The following CCDC146 variants were observed in gnomAD, a reference collection of about 807,000 sequenced individuals.
CCDC146 encodes coiled-coil domain containing 146.
A neutral mutation model predicts 119.3 loss-of-function variants in CCDC146; 92 were observed. The ratio of observed to expected loss-of-function variants is 0.77; its 90% confidence interval spans 0.65 to 0.92. CCDC146 has a LOEUF of 0.92. Among genes scored for constraint, CCDC146 ranks in the 40% least tolerant of loss-of-function variants. CCDC146 has a pLI of 0.00. For synonymous variants in CCDC146, 372 were observed against 371.8 expected, an observed-to-expected ratio of 1.00 and a Z score of -0.01; for missense variants, 1,000 against 1,103.0, an observed-to-expected ratio of 0.91 and a Z score of 1.32.
intron 4 of CCDC146, among the ~76,000 whole-genome samples, chr7:77,253,171 T>G (rs1327379473): frequency 6.6e-6 from 1 of 152,196 alleles, no homozygotes; most frequent in Non-Finnish European, 1.5e-5. Flanking sequence ...AAAATAATTG[T>G]CCTCAAATAC....
In CCDC146 at chr7:77,196,206, G is replaced by A. The variant is rs187050930; in HGVS notation, c.156+28382G>A. The A allele has an allele frequency of 3.2e-5, 34 of 1,048,608 alleles. No homozygotes were observed. Among genetic ancestry groups the A allele is most frequent in the Non-Finnish European group, 4.7e-5 (34 of 721,328 alleles). The allele number at this position is 1,048,608 out of a possible 1,614,324, so 65.0% of individuals were successfully genotyped here. On this transcript the variant is annotated intron_variant, in intron 2 of 18. Transcript: ENST00000285871. This position sits in a 1 kb window ranked among gnomAD's most constrained non-coding sequence, Gnocchi z 4.2. ...TTAGCTATGAAAAATATGAAACAAG[G>A]CATATTCTAAAGTGCTGAAGGAATT...
chr7:77,247,292 A>AG (rs1792970710), intron 4 of CCDC146, among the ~76,000 whole-genome samples: 1 of 152,256 alleles, frequency 6.6e-6, no homozygotes, highest in Admixed American at 6.5e-5. Context: ...ATATACTTAA[A>AG]GGAAAGACCA....
At chr7:77,207,833 AATAGC>A (rs1197534811) in intron 2 of CCDC146, among the ~76,000 whole-genome samples, 1 of 152,236 alleles carries the variant, frequency 6.6e-6, no homozygotes, top group African/African-American at 2.4e-5. Context: ...GAAGCAATAT[AATAGC>A]AAAGCAGATC....
rs771886610 is a variant in CCDC146, at chr7:77,241,857, G to T, written c.406G>T (p.Ala136Ser). 3.7e-6 allele frequency: 6 copies of T among 1,613,980 alleles called. No individual in the cohort carries two copies. The highest frequency in any genetic ancestry group is 4.2e-6 in the Non-Finnish European group (5 of 1,179,934). Reference protein sequence around the residue: ...QLLKYQNEYNAVKEREFHNQY... With the variant: ...QLLKYQNEYNSVKEREFHNQY... Reference sequence around the variant, plus strand: ...TCTCAAGTATCAAAATGAATATAATGCAGTGAAGGAAAGAGAGTTCCATAA... The same window carrying T: ...TCTCAAGTATCAAAATGAATATAATTCAGTGAAGGAAAGAGAGTTCCATAA... The change falls in exon 4 of 19, where the codon GCA becomes TCA. Residue 136 changes from alanine (A) to serine (S), a missense_variant. By Grantham distance (99) the Ala-to-Ser change is moderately conservative (BLOSUM62 1). Transcript: ENST00000285871.
rs1198207185 is a variant in CCDC146 at position 77,241,347 on chromosome 7, G to A, written c.240-344G>A. Among the ~76,000 whole-genome samples the A allele has an allele frequency of 8.4e-5, 8 of 95,268 alleles. 2 individuals are homozygous for A. The highest frequency in any genetic ancestry group is 5.0e-4 in the East Asian group (2 of 3,988). 62.5% of individuals were successfully genotyped at this position (95,268 alleles called of 152,430 possible). ...GCTGGGATTACAGGCATGAGCCATC[G>A]CGCCCGGCCACGTTGACAGTTTTAA... On this transcript the variant is annotated intron_variant, in intron 3 of 18. Coordinates refer to ENST00000285871, the MANE Select transcript of CCDC146 (RefSeq NM_020879.3).
chr7:77,136,602 A>G (rs1790863437), intron 1 of CCDC146, among the ~76,000 whole-genome samples: 1 of 152,240 alleles, frequency 6.6e-6, no homozygotes, highest in African/African-American at 2.4e-5. Flanking sequence ...GAATAGGCCT[A>G]TATCTATTAA....
chr7:77,244,697 T>A (rs1453038981), intron 4 of CCDC146, among the ~76,000 whole-genome samples: 2 of 152,212 alleles, frequency 1.3e-5, no homozygotes, highest in African/African-American at 4.8e-5. Flanking sequence ...CACACAATGA[T>A]GAAGTTGCCT....
chr7:77,287,366 G>C (rs1215281312), intron 16 of CCDC146, 74 bp from the exon 17 acceptor site: 1 of 1,501,000 alleles, frequency 6.7e-7, no homozygotes, highest in Non-Finnish European at 9.2e-7. Context: ...GGGAGATACT[G>C]CTCTAATTAG....
chr7:77,234,206 C>A (rs1181203764), intron 2 of CCDC146, among the ~76,000 whole-genome samples: 2 of 151,038 alleles, frequency 1.3e-5, no homozygotes, highest in Admixed American at 6.6e-5. Context: ...TTTTCATAAT[C>A]TTTTCCCAGC....
In CCDC146 at chr7:77,196,521, C is replaced by A. The variant is rs777392979; in HGVS notation, c.156+28697C>A. On this transcript the variant is annotated intron_variant, in intron 2 of 18. Coordinates refer to ENST00000285871, the MANE Select transcript of CCDC146 (RefSeq NM_020879.3). The surrounding 1 kb of genome is among the most constrained non-coding windows in gnomAD (Gnocchi z 4.2). ...GAAGGATATCGATCATTGTCTTTATCTGGAGTGGTGAAAAACTTCAGATCG... is the reference window on the plus strand; with the variant it reads ...GAAGGATATCGATCATTGTCTTTATATGGAGTGGTGAAAAACTTCAGATCG... 6.2e-7 allele frequency: 1 copy of A among 1,614,170 alleles called. No individual in the cohort carries two copies. Among genetic ancestry groups the A allele is most frequent in the Non-Finnish European group, 8.5e-7 (1 of 1,180,010 alleles).
chr7:77,142,645 A>G (rs1299295945), intron 1 of CCDC146, among the ~76,000 whole-genome samples: 5 of 150,792 alleles, frequency 3.3e-5, no homozygotes, highest in South Asian at 2.1e-4. Flanking sequence ...GTTCCCACCT[A>G]TGAGTGAGAA....
chr7:77,206,067 C>A (rs7341504), intron 2 of CCDC146, among the ~76,000 whole-genome samples: 4 of 152,062 alleles, frequency 2.6e-5, no homozygotes, highest in African/African-American at 9.7e-5. Context: ...ATATTTACCA[C>A]GCTACGCATG....
At chr7:77,208,838 G>A (rs771060770) in intron 2 of CCDC146, among the ~76,000 whole-genome samples, 1 of 152,194 alleles carries the variant, frequency 6.6e-6, no homozygotes, top group Non-Finnish European at 1.5e-5. Context: ...TTCCCAAGTA[G>A]CTGGCACTGC....
intron 3 of CCDC146, among the ~76,000 whole-genome samples, chr7:77,237,750 AG>A (rs1584100526): frequency 6.6e-6 from 1 of 152,328 alleles, no homozygotes; most frequent in East Asian, 1.9e-4. Context: ...ATCATAGAAG[AG>A]TCCAGCAAGC....
intron 1 of CCDC146, among the ~76,000 whole-genome samples, chr7:77,164,468 A>G (rs921593012): frequency 4.6e-5 from 7 of 152,208 alleles, no homozygotes; most frequent in Non-Finnish European, 8.8e-5. Context: ...AGGGAAGTCA[A>G]ATGATACCAC....
At chr7:77,166,246 TG>T (rs1791336384) in intron 1 of CCDC146, among the ~76,000 whole-genome samples, 1 of 152,242 alleles carries the variant, frequency 6.6e-6, no homozygotes. Flanking sequence ...CTGATTTTTA[TG>T]AAGAGTTAAA....
rs561005806 is a variant in CCDC146, at chr7:77,160,719, G to A, written c.-11-6939G>A. ...ATACAATCATGTCATCTGCAAACAG[G>A]GACAATTTGACTTCCTCTTTTCCTA... On this transcript the variant is annotated intron_variant, in intron 1 of 18. Transcript: ENST00000285871. 3.2e-4 allele frequency among the ~76,000 whole-genome samples: 48 copies of A among 152,184 alleles called. No individual in the cohort carries two copies. The South Asian group carries it at 9.8e-3, about 31-fold the overall frequency.
At chr7:77,223,279 T>G (rs1252623565) in intron 2 of CCDC146, among the ~76,000 whole-genome samples, 3 of 152,248 alleles carry the variant, frequency 2.0e-5, no homozygotes, top group African/African-American at 7.2e-5. Context: ...GGCATGGATG[T>G]GTTTAGGCAT....
At chr7:77,283,962 G>A (rs1050336923) in intron 15 of CCDC146, among the ~76,000 whole-genome samples, 22 of 151,974 alleles carry the variant, frequency 1.4e-4, no homozygotes, top group African/African-American at 5.1e-4. Flanking sequence ...GATTGAGATC[G>A]ATTGGCTAGA....
Sources: gnomAD v4.1 joint callset for allele counts (sites outside exome capture counted in the v4.1 genomes callset) on GRCh38, gnomAD v4.1.1 for gene constraint, Gnocchi (gnomAD v3.1) non-coding constraint, MANE v1.5 for transcripts, NCBI Gene and HGNC (gene_info 2026-07-23, HGNC 2026-07-21) for gene names.